Variants in GRIK2 observed in about 807,000 individuals in gnomAD.
GRIK2 encodes glutamate receptor ionotropic, kainate 2.
A neutral mutation model predicts 100.3 loss-of-function variants in GRIK2; 32 were observed. The observed-to-expected ratio is 0.32, with a 90% CI of 0.24 to 0.43. The LOEUF (loss-of-function observed/expected upper bound fraction) is 0.43, where lower values mean the gene tolerates loss of function less well. Ranked by LOEUF, GRIK2 falls within the 20% of genes least tolerant of loss-of-function variation. The pLI is 1.00. For missense variants in GRIK2, 843 were observed against 1,114.9 expected, an observed-to-expected ratio of 0.76 and a Z score of 3.47; for synonymous variants, 417 against 389.4, an observed-to-expected ratio of 1.07 and a Z score of -0.83.
At chr6:101,443,694 A>C (rs185265085) in intron 2 of GRIK2, among the ~76,000 whole-genome samples, 1 of 152,170 alleles carries the variant, frequency 6.6e-6, no homozygotes, top group African/African-American at 2.4e-5. Context: ...GAATATGTGC[A>C]TATATTTGGG....
At chr6:101,830,480 A>G (rs1782607869) in intron 10 of GRIK2, among the ~76,000 whole-genome samples, 1 of 151,998 alleles carries the variant, frequency 6.6e-6, no homozygotes. Context: ...CATCCAACAA[A>G]AGATTAATAT....
intron 2 of GRIK2, among the ~76,000 whole-genome samples, chr6:101,421,901 A>G (rs1339242948): frequency 1.3e-5 from 2 of 152,206 alleles, no homozygotes; most frequent in Admixed American, 1.3e-4. Flanking sequence ...AAATAATTTG[A>G]TGGAAAATTT....
chr6:101,718,159 A>G (rs1774200386), intron 7 of GRIK2, among the ~76,000 whole-genome samples: 1 of 151,814 alleles, frequency 6.6e-6, no homozygotes, highest in African/African-American at 2.4e-5. Flanking sequence ...TGAATACCTT[A>G]GGAAGGATCA....
chr6:101,849,992 T>G (rs1002553601), intron 10 of GRIK2, among the ~76,000 whole-genome samples: 1 of 151,862 alleles, frequency 6.6e-6, no homozygotes, highest in East Asian at 1.9e-4. Context: ...AGAACAAGAC[T>G]GGGGTTACCT....
At chr6:101,503,994 T>C (rs1562185677) in intron 2 of GRIK2, among the ~76,000 whole-genome samples, 2 of 152,160 alleles carry the variant, frequency 1.3e-5, no homozygotes, top group Admixed American at 6.6e-5. Context: ...CAGAGACTTA[T>C]CCTATAATTT....
chr6:101,545,157 A>C (rs1231821644), intron 2 of GRIK2, among the ~76,000 whole-genome samples: 2 of 152,198 alleles, frequency 1.3e-5, no homozygotes, highest in African/African-American at 4.8e-5. Context: ...TCATAATTTT[A>C]CAATATTTTT....
chr6:101,702,494 A>C (rs1772968922), intron 7 of GRIK2, among the ~76,000 whole-genome samples: 1 of 152,004 alleles, frequency 6.6e-6, no homozygotes, highest in Admixed American at 6.6e-5. Context: ...GTGCCCTTGT[A>C]CATATTTCAT....
rs55900001 is a variant in GRIK2 at position 102,031,076 on chromosome 6, TACACACACACACACACAC to T, written c.2086-4230_2086-4213del. 3.9e-4 allele frequency among the ~76,000 whole-genome samples: 46 copies of T among 118,410 alleles called. 1 individual carries two copies. The highest frequency in any genetic ancestry group is 2.4e-3 in the Admixed American group (26 of 10,842). 77.7% of individuals were successfully genotyped at this position (118,410 alleles called of 152,430 possible). On this transcript the variant is annotated intron_variant, in intron 14 of 16. Coordinates refer to ENST00000369134, the MANE Select transcript of GRIK2 (RefSeq NM_021956.5). ...TCAATAATTACCAAGTATTATGCAT[TACACACACACACACACAC>T]ACACACACACACACACACACACACA...
chr6:101,707,609 T>TACAC (rs1773424397), intron 7 of GRIK2, among the ~76,000 whole-genome samples: 1 of 135,430 alleles, frequency 7.4e-6, no homozygotes, highest in Admixed American at 7.3e-5. Context: ...TATGTGTGTA[T>TACAC]ATATATATAT....
intron 15 of GRIK2, among the ~76,000 whole-genome samples, chr6:102,051,251 C>CCCTCCCTCCCTT (rs1215298030): frequency 3.3e-5 from 4 of 122,058 alleles, no homozygotes. Flanking sequence ...TTCCCTCCCT[C>CCCTCCCTCCCTT]CCTTCCTTCC....
intron 10 of GRIK2, among the ~76,000 whole-genome samples, chr6:101,845,462 G>A (rs897995375): frequency 2.6e-5 from 4 of 152,036 alleles, no homozygotes; most frequent in African/African-American, 2.4e-5. Context: ...TATTTTCAAG[G>A]TTCATCCATG....
chr6:101,869,767 G>A lies in GRIK2; in HGVS notation c.1524+10274G>A, dbSNP rs955797145. On this transcript the variant is annotated intron_variant, in intron 11 of 16. Transcript: ENST00000369134. Reference sequence around the variant, plus strand: ...ATTCAAATCTGTCTCCTCAAGTTAGGGACCCCTTGCTTCTGAAAGAGTTTT... The same window carrying A: ...ATTCAAATCTGTCTCCTCAAGTTAGAGACCCCTTGCTTCTGAAAGAGTTTT... Among the ~76,000 whole-genome samples the A allele has an allele frequency of 4.7e-4, 72 of 151,708 alleles. 2 individuals are homozygous for A. Among genetic ancestry groups the A allele is most frequent in the African/African-American group, 1.7e-3 (70 of 41,256 alleles).
intron 7 of GRIK2, among the ~76,000 whole-genome samples, chr6:101,713,305 G>A (rs996553845): frequency 2.0e-5 from 3 of 151,672 alleles, no homozygotes; most frequent in Non-Finnish European, 4.4e-5. Flanking sequence ...TATAACTCAT[G>A]TGAATTCGGT....
In GRIK2 at chr6:101,498,780, A is replaced by G. The variant is rs1215227011; in HGVS notation, c.115+99388A>G. ...ATTCTGGATATTAGCCCTTTATCAG[A>G]TGAGTAGATTGCAAAAATTGTCTCC... On this transcript the variant is annotated intron_variant, in intron 2 of 16. Transcript: ENST00000369134. Among the ~76,000 whole-genome samples the G allele has an allele frequency of 2.0e-5, 3 of 152,128 alleles. No homozygotes were observed. In the East Asian group the frequency reaches 5.8e-4, roughly 29 times the overall value.
At chr6:101,971,278 A>C (rs900100457) in intron 14 of GRIK2, among the ~76,000 whole-genome samples, 11 of 152,046 alleles carry the variant, frequency 7.2e-5, no homozygotes, top group African/African-American at 2.7e-4. Context: ...TTATAACAAA[A>C]ATGTATTTCT....
intron 7 of GRIK2, among the ~76,000 whole-genome samples, chr6:101,789,071 A>G (rs1779640378): frequency 6.6e-6 from 1 of 151,248 alleles, no homozygotes; most frequent in Non-Finnish European, 1.5e-5. Context: ...TTTTCTTGTC[A>G]ATTTGTTTGA....
chr6:101,544,498 T>C (rs957725957), intron 2 of GRIK2, among the ~76,000 whole-genome samples: 25 of 152,198 alleles, frequency 1.6e-4, no homozygotes, highest in African/African-American at 5.5e-4. Flanking sequence ...TTGTTGCTTC[T>C]CGAAGACTTT....
intron 4 of GRIK2, among the ~76,000 whole-genome samples, chr6:101,649,620 G>A (rs918252762): frequency 1.3e-5 from 2 of 151,976 alleles, no homozygotes; most frequent in East Asian, 1.9e-4. Flanking sequence ...TAAATTAGTC[G>A]AACTGAGTCA....
intron 2 of GRIK2, among the ~76,000 whole-genome samples, chr6:101,438,866 T>C (rs1006206320): frequency 2.0e-5 from 3 of 152,120 alleles, no homozygotes; most frequent in African/African-American, 7.2e-5. Context: ...AAGGACAAAT[T>C]TGTTATAAGG....
Sources: gnomAD v4.1 joint callset for allele counts (sites outside exome capture counted in the v4.1 genomes callset) on GRCh38, gnomAD v4.1.1 for gene constraint, MANE v1.5 for transcripts, NCBI Gene and HGNC (gene_info 2026-07-23, HGNC 2026-07-21) for gene names.